ATP7B: variants seen among roughly 807,000 people sequenced by gnomAD.
ATP7B encodes the protein copper-transporting ATPase 2.
ATP7B carries 113 observed loss-of-function variants against 118.9 expected under a neutral mutation model. The observed-to-expected ratio is 0.95, with a 90% CI of 0.82 to 1.11. ATP7B has a LOEUF of 1.11. ATP7B is among the 50% of genes most tolerant of loss of function. ATP7B has a pLI of 0.00. For synonymous variants in ATP7B, 777 were observed against 727.4 expected (o/e 1.07, Z -1.10); for missense variants, 1,867 against 1,871.4 (o/e 1.00, Z 0.04).
rs755299474 is a variant in ATP7B at position 51,958,344 on chromosome 13, A to G, written c.2322T>C (p.Ile774=). 3.1e-6 allele frequency: 5 copies of G among 1,614,106 alleles called. No individual in the cohort carries two copies. Among genetic ancestry groups the G allele is most frequent in the South Asian group, 2.2e-5 (2 of 91,090 alleles). Residue 774 remains isoleucine, a synonymous_variant, in exon 8 of 21, where the codon ATT becomes ATC. Coordinates refer to ENST00000242839, the MANE Select transcript of ATP7B (RefSeq NM_000053.4). ...AGTGTTCCAGCCACCGGCCCAGGGC[A>G]ATGAACACAAAGAGCATGGGGGGCG... The part of the protein sequence containing the change: ...FDTPPMLFVF[I]ALGRWLEHLA...
intron 7 of ATP7B, chr13:51,959,201 G>A (rs1037317577): frequency 6.5e-6 from 1 of 154,716 alleles, no homozygotes; most frequent in Non-Finnish European, 1.4e-5. Context: ...AATAATAAGT[G>A]TACATTACAC....
chr13:51,975,933 C>T (rs1041890305), intron 1 of ATP7B, among the ~76,000 whole-genome samples: 6 of 152,164 alleles, frequency 3.9e-5, no homozygotes, highest in African/African-American at 1.2e-4. Context: ...TCAGTGTCAC[C>T]GCCCTCCTGG....
intron 1 of ATP7B, among the ~76,000 whole-genome samples, chr13:51,980,191 T>A (rs1383460611): frequency 6.6e-6 from 1 of 152,190 alleles, no homozygotes; most frequent in African/African-American, 2.4e-5. Flanking sequence ...AGGTTCCACA[T>A]GGATATCCCA....
chr13:51,944,371 A>C (rs1593673428), intron 13 of ATP7B, 80 bp from the exon 14 acceptor site: 1 of 1,554,450 alleles, frequency 6.4e-7, no homozygotes, highest in Non-Finnish European at 8.8e-7. Context: ...GCAGAACTTC[A>C]CCCAACCTGC....
chr13:51,939,299 A>G (rs1270943308), intron 16 of ATP7B, 106 bp from the exon 17 acceptor site: 1 of 1,518,592 alleles, frequency 6.6e-7, no homozygotes, highest in Non-Finnish European at 8.9e-7. Flanking sequence ...GCAAAAAACA[A>G]AACATCAAAT....
Position 51,946,269 on chromosome 13 carries a change from G to C in ATP7B, c.3060+15C>G. ...TTCATCTCTCAGGATGGGGAAAGCCGTGCTACAGGCTGACCTTGTGCGCCA... is the reference window on the plus strand; with the variant it reads ...TTCATCTCTCAGGATGGGGAAAGCCCTGCTACAGGCTGACCTTGTGCGCCA... On this transcript the variant is annotated intron_variant, in intron 13 of 20. Coordinates refer to ENST00000242839, the MANE Select transcript of ATP7B (RefSeq NM_000053.4). 6.4e-7 allele frequency: 1 copy of C among 1,565,434 alleles called. No homozygotes were observed. Among genetic ancestry groups the C allele is most frequent in the Middle Eastern group, 2.3e-4 (1 of 4,416 alleles).
intron 5 of ATP7B, among the ~76,000 whole-genome samples, chr13:51,964,086 T>A (rs1339607827): frequency 2.7e-5 from 4 of 149,842 alleles, no homozygotes; most frequent in Admixed American, 6.7e-5. Context: ...CCAGGCCACA[T>A]AACAGACAGC....
At chr13:51,951,474 A>G (rs563896901) in intron 9 of ATP7B, among the ~76,000 whole-genome samples, 2 of 152,294 alleles carry the variant, frequency 1.3e-5, no homozygotes, top group South Asian at 2.1e-4. Context: ...AGCTGAAAAT[A>G]TGAGTCTGAA....
intron 2 of ATP7B, among the ~76,000 whole-genome samples, chr13:51,971,549 G>A (rs183569974): frequency 2.4e-4 from 37 of 152,200 alleles, no homozygotes; most frequent in African/African-American, 8.4e-4. Flanking sequence ...CTGATTGCAC[G>A]GTTGAAAGAC....
At chr13:51,963,628 C>T (rs905555119) in intron 5 of ATP7B, among the ~76,000 whole-genome samples, 3 of 148,486 alleles carry the variant, frequency 2.0e-5, no homozygotes, top group African/African-American at 7.5e-5. Context: ...CCCAACTACT[C>T]GGGGAACCGA....
intron 5 of ATP7B, among the ~76,000 whole-genome samples, chr13:51,964,292 CA>C: frequency 6.6e-6 from 1 of 152,306 alleles, no homozygotes; most frequent in Middle Eastern, 3.4e-3. Flanking sequence ...TTAACCCATT[CA>C]GATCACCACT....
intron 1 of ATP7B, among the ~76,000 whole-genome samples, chr13:51,991,155 T>C (rs768228923): frequency 2.0e-5 from 3 of 151,926 alleles, no homozygotes; most frequent in Non-Finnish European, 4.4e-5. Flanking sequence ...TATTCTGGTC[T>C]CTAAAAATGC....
Position 51,974,717 on chromosome 13 carries a change from A to G in ATP7B, c.503T>C (p.Leu168Pro), listed in dbSNP as rs756237962. Residue 168 changes from leucine (L) to proline (P), a missense_variant, in exon 2 of 21, where the codon CTG (leucine) becomes CCG (proline). Coordinates refer to ENST00000242839, the MANE Select transcript of ATP7B (RefSeq NM_000053.4). ...GACTTTGACTCTCACTACTCCTTGC[A>G]GTTTCCGGACCTTGCCTTCAATGGA... Reference protein sequence around the residue: ...VSSIEGKVRKLQGVVRVKVSL... With the variant: ...VSSIEGKVRKPQGVVRVKVSL... 3.6e-5 allele frequency: 58 copies of G among 1,613,642 alleles called. No individual in the cohort carries two copies. The highest frequency in any genetic ancestry group is 1.0e-4 in the Admixed American group (6 of 59,980).
intron 1 of ATP7B, among the ~76,000 whole-genome samples, chr13:52,006,449 C>T (rs143765594): frequency 1.3e-5 from 2 of 152,304 alleles, no homozygotes; most frequent in African/African-American, 4.8e-5. Context: ...TTTGGATAGC[C>T]TAGTTTCTCT....
intron 2 of ATP7B, among the ~76,000 whole-genome samples, chr13:51,972,747 C>T (rs1391710311): frequency 6.6e-6 from 1 of 152,226 alleles, no homozygotes; most frequent in Non-Finnish European, 1.5e-5. Context: ...CGCCTGCAAT[C>T]CCAGCACTTT....
At chr13:51,941,054 C>T (rs760682015) in intron 16 of ATP7B, 27 bp downstream of exon 16, 37 of 1,613,814 alleles carry the variant, frequency 2.3e-5, no homozygotes, top group South Asian at 5.5e-5. Flanking sequence ...TCTGAGAGAG[C>T]GGAAGGAAGG....
chr13:51,964,770 GTTA>G, intron 5 of ATP7B, 99 bp downstream of exon 5: 2 of 1,405,186 alleles, frequency 1.4e-6, no homozygotes, highest in Non-Finnish European at 1.9e-6. Flanking sequence ...AAGAATTTTG[GTTA>G]TTTTCATTTT....
chr13:51,991,696 A>C (rs1466353299), intron 1 of ATP7B, among the ~76,000 whole-genome samples: 1 of 152,152 alleles, frequency 6.6e-6, no homozygotes, highest in Admixed American at 6.5e-5. Flanking sequence ...TAGAGAAGGG[A>C]GAGCCTCAGT....
At chr13:51,936,353 G>A (rs890577230) in intron 19 of ATP7B, among the ~76,000 whole-genome samples, 1 of 151,802 alleles carries the variant, frequency 6.6e-6, no homozygotes, top group African/African-American at 2.4e-5. Context: ...GGGAGACTGA[G>A]GCAGGAATGC....
Sources: gnomAD v4.1 joint callset for allele counts (sites outside exome capture counted in the v4.1 genomes callset) on GRCh38, gnomAD v4.1.1 for gene constraint, MANE v1.5 for transcripts, NCBI Gene and HGNC (gene_info 2026-07-23, HGNC 2026-07-21) for gene names.